PCDHA4: variants seen among roughly 807,000 people sequenced by gnomAD.
PCDHA4 encodes the protein protocadherin alpha-4.
PCDHA4 carries 49 observed loss-of-function variants against 61.4 expected under a neutral mutation model. The ratio of observed to expected loss-of-function variants is 0.80; its 90% CI spans 0.63 to 1.01. PCDHA4 has a LOEUF of 1.01. Ranked by LOEUF, PCDHA4 falls within the 50% of genes least tolerant of loss-of-function variation. The pLI is 0.00. For missense variants in PCDHA4, 1,254 were observed against 1,235.8 expected (o/e 1.01, Z -0.22); for synonymous variants, 590 against 550.3 (o/e 1.07, Z -1.01).
At chr5:140,832,741 C>T (rs1477110560) in intron 1 of PCDHA4, among the ~76,000 whole-genome samples, 7 of 152,038 alleles carry the variant, frequency 4.6e-5, no homozygotes, top group African/African-American at 1.4e-4. Context: ...TACATAAATA[C>T]GATGATAGTA....
intron 1 of PCDHA4, among the ~76,000 whole-genome samples, chr5:140,961,366 C>T (rs1384222732): frequency 6.6e-6 from 1 of 152,144 alleles, no homozygotes; most frequent in Non-Finnish European, 1.5e-5. Context: ...CATTAGAATT[C>T]TCCTTCTAGT....
At position 140,979,482 on chromosome 5, in the gene PCDHA4, C is replaced by A. The variant is rs568650143; in HGVS notation, c.2444+475C>A. On this transcript the variant is annotated intron_variant, in intron 2 of 3. Coordinates refer to ENST00000530339, the MANE Select transcript of PCDHA4 (RefSeq NM_018907.4). Reference sequence around the variant, plus strand: ...ATTGATTGCTATTGTTGTTTGTGTTCACACCTATTAGAGCCTCCTCATCTT... The same window carrying A: ...ATTGATTGCTATTGTTGTTTGTGTTAACACCTATTAGAGCCTCCTCATCTT... Among the ~76,000 whole-genome samples, 6 of 152,068 alleles carry A rather than the reference C, an allele frequency of 3.9e-5. No homozygotes were observed. In the South Asian group the frequency reaches 1.0e-3, roughly 26 times the overall value.
At chr5:140,848,190 T>C in intron 1 of PCDHA4, 1 of 291,738 alleles carries the variant, frequency 3.4e-6, no homozygotes, top group South Asian at 6.2e-5. Flanking sequence ...CGGGATCTTC[T>C]GTTTCAACAA....
intron 3 of PCDHA4, among the ~76,000 whole-genome samples, chr5:141,004,397 GA>G (rs2098164833): frequency 6.6e-6 from 1 of 152,188 alleles, no homozygotes; most frequent in African/African-American, 2.4e-5. Context: ...ACATGTGGAG[GA>G]GGCACCTGAC....
intron 1 of PCDHA4, chr5:140,860,221 A>G (rs545032981): frequency 3.3e-5 from 5 of 149,836 alleles, no homozygotes; most frequent in Non-Finnish European, 7.4e-5. Flanking sequence ...ACTTATGTAT[A>G]TATAAGCCAG....
At position 140,821,912 on chromosome 5, in the gene PCDHA4, G is replaced by T. The variant is rs2150111896; in HGVS notation, c.2385+12340G>T. The T allele has an allele frequency of 4.8e-5, 77 of 1,614,108 alleles. No homozygotes were observed. The highest frequency in any genetic ancestry group is 6.4e-5 in the Non-Finnish European group (76 of 1,180,052). On this transcript the variant is annotated intron_variant, in intron 1 of 3. Coordinates refer to ENST00000530339, the MANE Select transcript of PCDHA4 (RefSeq NM_018907.4). ...GCCAAACACGGAACCTTCGTTGGCC[G>T]CATCGCGCAGGACCTAGGGCTGGAG...
At chr5:140,993,437 C>A (rs1193523462) in intron 3 of PCDHA4, among the ~76,000 whole-genome samples, 1 of 150,056 alleles carries the variant, frequency 6.7e-6, no homozygotes, top group Non-Finnish European at 1.5e-5. Context: ...AATCCTTATT[C>A]ATTCCTGTTC....
intron 1 of PCDHA4, chr5:140,969,351 G>T: frequency 6.2e-7 from 1 of 1,612,990 alleles, no homozygotes; most frequent in Non-Finnish European, 8.5e-7. Flanking sequence ...TGGTCAGGGG[G>T]TCTTCTACAA....
At chr5:140,844,958 C>T (rs1211127750) in intron 1 of PCDHA4, among the ~76,000 whole-genome samples, 1 of 149,184 alleles carries the variant, frequency 6.7e-6, no homozygotes, top group Non-Finnish European at 1.5e-5. Context: ...TGAATTCTTA[C>T]AGTTTGTTAT....
rs2042053771 is a variant in PCDHA4, at chr5:140,851,409, G to T, written c.2385+41837G>T. The T allele has an allele frequency of 1.7e-5, 16 of 964,844 alleles. 3 individuals are homozygous for T. Among genetic ancestry groups the T allele is most frequent in the Non-Finnish European group, 1.6e-5 (13 of 797,918 alleles). The allele number at this position is 964,844 out of a possible 1,614,324, so 59.8% of individuals were successfully genotyped here. On this transcript the variant is annotated intron_variant, in intron 1 of 3. Transcript: ENST00000530339. ...CAGTATCTATTATTTTAATAAGAAA[G>T]AAACTTCCCCTAAACTTTAGAAAAC...
rs782250124 is a variant in PCDHA4, at chr5:140,870,603, C to G, written c.2385+61031C>G. 14 of 1,613,222 alleles carry G rather than the reference C, an allele frequency of 8.7e-6. No individual in the cohort carries two copies. In the Middle Eastern group the frequency reaches 5.0e-4, roughly 58 times the overall value. On this transcript the variant is annotated intron_variant, in intron 1 of 3. Coordinates refer to ENST00000530339, the MANE Select transcript of PCDHA4 (RefSeq NM_018907.4). ...CGCTGGTGGAGCGGCGGTTGGGCGA[C>G]CGCGCGCTGTCGAGCTACGTGTCGG...
chr5:140,915,453 A>G (rs963973003), intron 1 of PCDHA4, among the ~76,000 whole-genome samples: 13 of 152,232 alleles, frequency 8.5e-5, no homozygotes, highest in African/African-American at 2.9e-4. Context: ...AAGGTTTTCC[A>G]GAAGGTTTTT....
intron 1 of PCDHA4, among the ~76,000 whole-genome samples, chr5:140,894,001 G>A (rs2064275871): frequency 6.6e-6 from 1 of 152,098 alleles, no homozygotes; most frequent in African/African-American, 2.4e-5. Context: ...CAATTGTATG[G>A]TTGGTTCAAA....
intron 1 of PCDHA4, chr5:140,843,593 GTGTGCTC>G: frequency 1.3e-6 from 2 of 1,596,072 alleles, no homozygotes; most frequent in Non-Finnish European, 1.7e-6. Context: ...GCCGCAGAGG[GTGTGCTC>G]TGGTGAGGGG....
intron 3 of PCDHA4, among the ~76,000 whole-genome samples, chr5:141,000,413 A>AT (rs2097920175): frequency 1.1e-5 from 1 of 93,256 alleles, no homozygotes; most frequent in African/African-American, 4.5e-5. Context: ...ATATATATAT[A>AT]TATATATATT....
intron 1 of PCDHA4, among the ~76,000 whole-genome samples, chr5:140,887,041 A>G (rs1166286264): frequency 6.6e-6 from 1 of 152,026 alleles, no homozygotes; most frequent in African/African-American, 2.4e-5. Flanking sequence ...AATATTTTTT[A>G]TAGTGCATAT....
At chr5:140,998,968 T>A (rs2097841777) in intron 3 of PCDHA4, among the ~76,000 whole-genome samples, 1 of 152,238 alleles carries the variant, frequency 6.6e-6, no homozygotes, top group Non-Finnish European at 1.5e-5. Context: ...TCAAATAGTA[T>A]CCTAGAAAAT....
At chr5:140,959,443 G>C (rs1472511414) in intron 1 of PCDHA4, among the ~76,000 whole-genome samples, 1 of 151,580 alleles carries the variant, frequency 6.6e-6, no homozygotes, top group Non-Finnish European at 1.5e-5. Context: ...TTTCTATTTT[G>C]TGCTGAAAAG....
Position 140,807,454 on chromosome 5 carries a change from G to T in PCDHA4, c.267G>T (p.Arg89=). 1 of 1,607,652 alleles carries T rather than the reference G, an allele frequency of 6.2e-7. No individual in the cohort carries two copies. Among genetic ancestry groups the T allele is most frequent in the South Asian group, 1.1e-5 (1 of 90,624 alleles). ...ATGGCATTTTGTTTGTGAATTCTCG[G>T]ATCGACCGGGAGGAGCTGTGCCGGC... ...LQNGILFVNS[R]IDREELCRRS... Residue 89 remains arginine (R), a synonymous_variant, in exon 1 of 4, where the codon CGG becomes CGT. Coordinates refer to ENST00000530339, the MANE Select transcript of PCDHA4 (RefSeq NM_018907.4).
Sources: allele counts gnomAD v4.1 joint callset (sites outside exome capture counted in the v4.1 genomes callset), GRCh38; gene constraint gnomAD v4.1.1; transcripts MANE v1.5; gene names NCBI Gene and HGNC (gene_info 2026-07-23, HGNC 2026-07-21).